Variants in CEP170 observed in about 807,000 individuals in gnomAD.
CEP170 encodes the protein centrosomal protein of 170 kDa.
Under a neutral mutation model 151.9 loss-of-function variants are expected in CEP170, and 21 were observed. The observed-to-expected ratio is 0.14, with a 90% confidence interval of 0.10 to 0.20. The LOEUF (loss-of-function observed/expected upper bound fraction) is 0.20. CEP170 is among the 10% of genes least tolerant of loss of function. The pLI is 1.00. For synonymous variants in CEP170, 356 were observed against 648.8 expected, an observed-to-expected ratio of 0.55 and a Z score of 6.86; for missense variants, 964 against 1,892.9, an observed-to-expected ratio of 0.51 and a Z score of 9.11.
At chr1:243,163,651 TGA>T (rs2058236221) in intron 13 of CEP170, among the ~76,000 whole-genome samples, 1 of 152,230 alleles carries the variant, frequency 6.6e-6, no homozygotes, top group Non-Finnish European at 1.5e-5. Context: ...CAATATACGC[TGA>T]GTGATTCCCC....
intron 13 of CEP170, among the ~76,000 whole-genome samples, chr1:243,161,863 A>G (rs2058093057): frequency 6.6e-6 from 1 of 152,190 alleles, no homozygotes; most frequent in Non-Finnish European, 1.5e-5. Context: ...AAATATTATA[A>G]TTATCTTAAA....
chr1:243,208,298 C>T (rs942372890), intron 4 of CEP170, among the ~76,000 whole-genome samples: 1 of 151,512 alleles, frequency 6.6e-6, no homozygotes, highest in African/African-American at 2.4e-5. Context: ...CCACTCCACC[C>T]TTAGTTTTCT....
rs2056047760 is a variant in CEP170 at position 243,143,033 on chromosome 1, A to AT, written c.3912-571dup. Among the ~76,000 whole-genome samples, 11 of 152,164 alleles carry AT rather than the reference A, an allele frequency of 7.2e-5. No homozygotes were observed. In the South Asian group the frequency reaches 2.3e-3, roughly 32 times the overall value. Reference sequence around the variant, plus strand: ...AAGTCATTAAACACACAATAATAACATTTTATTTAATGTTAATAAAGAACC... The same window carrying AT: ...AAGTCATTAAACACACAATAATAACATTTTTATTTAATGTTAATAAAGAACC... On this transcript the variant is annotated intron_variant, in intron 14 of 19. Transcript: ENST00000366542.
At chr1:243,242,981 T>G (rs1009237347) in intron 1 of CEP170, among the ~76,000 whole-genome samples, 3 of 152,262 alleles carry the variant, frequency 2.0e-5, no homozygotes, top group African/African-American at 7.2e-5. Flanking sequence ...TTTACAGGCA[T>G]AAGCCACTGC....
intron 13 of CEP170, among the ~76,000 whole-genome samples, chr1:243,160,664 G>A (rs2057993050): frequency 6.6e-6 from 1 of 152,040 alleles, no homozygotes; most frequent in East Asian, 1.9e-4. Flanking sequence ...TATTTTAGTG[G>A]AAAATTACCA....
intron 7 of CEP170, among the ~76,000 whole-genome samples, chr1:243,198,820 T>C (rs1264096817): frequency 6.6e-6 from 1 of 151,608 alleles, no homozygotes; most frequent in Non-Finnish European, 1.5e-5. Flanking sequence ...CTTTAAACTG[T>C]AAAAAATATT....
intron 1 of CEP170, among the ~76,000 whole-genome samples, chr1:243,250,247 G>A (rs1471484596): frequency 1.3e-5 from 2 of 152,154 alleles, no homozygotes. Context: ...TAAGTATATG[G>A]CCAGGATGGA....
chr1:243,220,417 A>C (rs761851584), intron 3 of CEP170, among the ~76,000 whole-genome samples: 4 of 152,214 alleles, frequency 2.6e-5, no homozygotes, highest in African/African-American at 4.8e-5. Context: ...GAGAAAAAAA[A>C]ATGCTTGAAT....
intron 10 of CEP170, among the ~76,000 whole-genome samples, chr1:243,184,716 C>T: frequency 6.6e-6 from 1 of 151,980 alleles, no homozygotes; most frequent in African/African-American, 2.4e-5. Context: ...ATTTTTCCTG[C>T]ATCCCAAAGG....
At chr1:243,246,976 C>G (rs1379651473) in intron 1 of CEP170, among the ~76,000 whole-genome samples, 1 of 152,082 alleles carries the variant, frequency 6.6e-6, no homozygotes, top group Non-Finnish European at 1.5e-5. Context: ...TGCGATGTTC[C>G]TTTTTCACCA....
chr1:243,219,947 G>C (rs1458396102), intron 3 of CEP170, among the ~76,000 whole-genome samples: 1 of 152,164 alleles, frequency 6.6e-6, no homozygotes, highest in Non-Finnish European at 1.5e-5. Context: ...GGCTGATCAA[G>C]GACACAAAGG....
At chr1:243,173,572 C>T (rs1010505368) in intron 10 of CEP170, among the ~76,000 whole-genome samples, 25 of 151,442 alleles carry the variant, frequency 1.7e-4, no homozygotes, top group African/African-American at 5.8e-4. Context: ...CCCGTTTCTA[C>T]TAAAAATACA....
chr1:243,252,903 T>C (rs2066071835), intron 1 of CEP170, among the ~76,000 whole-genome samples: 2 of 152,166 alleles, frequency 1.3e-5, no homozygotes, highest in Admixed American at 1.3e-4. Context: ...AAAGTTAATA[T>C]ATCTTAAAAT....
intron 11 of CEP170, 86 bp from the exon 12 acceptor site, chr1:243,169,840 C>A: frequency 6.6e-7 from 1 of 1,523,348 alleles, no homozygotes; most frequent in Non-Finnish European, 8.8e-7. Context: ...GTCACATTAA[C>A]TTGCCATACA....
intron 17 of CEP170, 122 bp from the exon 18 acceptor site, chr1:243,129,575 G>A (rs1157901503): frequency 2.2e-5 from 18 of 814,400 alleles, no homozygotes; most frequent in East Asian, 2.1e-4. Context: ...ACCAACCACC[G>A]CATAAACTGA....
chr1:243,215,868 T>C lies in CEP170; in HGVS notation c.196-3904A>G, dbSNP rs56172619. On this transcript the variant is annotated intron_variant, in intron 3 of 19. Coordinates refer to ENST00000366542, the MANE Select transcript of CEP170 (RefSeq NM_014812.3). ...GGCATCACGGAACCTGCTGACGTGA[T>C]GTCTCCCCTGGATACCCAGCTTTAA... Among the ~76,000 whole-genome samples the C allele has an allele frequency of 2.2e-3, 328 of 152,250 alleles. 1 individual carries two copies. The highest frequency in any genetic ancestry group is 4.0e-3 in the Non-Finnish European group (275 of 68,022).
chr1:243,251,718 C>T (rs1446898425), intron 1 of CEP170, among the ~76,000 whole-genome samples: 1 of 152,120 alleles, frequency 6.6e-6, no homozygotes, highest in Non-Finnish European at 1.5e-5. Context: ...GTTTTTCAGA[C>T]CTCAACAATG....
chr1:243,175,283 T>C (rs1280375222), intron 10 of CEP170: 1 of 152,232 alleles, frequency 6.6e-6, no homozygotes, highest in Non-Finnish European at 1.5e-5. Flanking sequence ...AGATTCCTTT[T>C]AAAGCATCAG....
rs182999468 is a variant in CEP170, at chr1:243,155,529, A to G, written c.3911+692T>C. On this transcript the variant is annotated intron_variant, in intron 14 of 19. Transcript: ENST00000366542. ...ACTGCAGTAAAATCTAACATCTCAC[A>G]AACTTTAAACAAAAAATCCTTATAT... Among the ~76,000 whole-genome samples the G allele has an allele frequency of 5.4e-3, 824 of 152,270 alleles. 1 individual carries two copies. The highest frequency in any genetic ancestry group is 8.4e-3 in the Non-Finnish European group (569 of 67,996).
Sources: allele counts gnomAD v4.1 joint callset (sites outside exome capture counted in the v4.1 genomes callset), GRCh38; gene constraint gnomAD v4.1.1; transcripts MANE v1.5; gene names NCBI Gene and HGNC (gene_info 2026-07-23, HGNC 2026-07-21).